Variants in CHIC1 observed in about 807,000 individuals in gnomAD.
The protein encoded by CHIC1 is cysteine rich hydrophobic domain 1.
A neutral mutation model predicts 18.5 loss-of-function variants in CHIC1; 7 were observed. That is an observed-to-expected ratio of 0.38 (90% CI 0.22 to 0.71). The LOEUF (loss-of-function observed/expected upper bound fraction) is 0.71, where lower values mean the gene tolerates loss of function less well. CHIC1 is among the 30% of genes least tolerant of loss of function. CHIC1 has a pLI of 0.49. For synonymous variants in CHIC1, 77 were observed against 73.5 expected (o/e 1.05, Z -0.25); for missense variants, 159 against 176.9 (o/e 0.90, Z 0.57).
intron 3 of CHIC1, among the ~76,000 whole-genome samples, chrX:73,674,810 C>A (rs1603350944): frequency 9.3e-6 from 1 of 107,016 alleles, no homozygotes; most frequent in East Asian, 9.0e-4. Flanking sequence ...TTTTCTAGTT[C>A]TTTTAATTGT....
intron 3 of CHIC1, among the ~76,000 whole-genome samples, chrX:73,674,059 T>C (rs891014055): frequency 1.2e-4 from 13 of 112,276 alleles, no homozygotes; most frequent in African/African-American, 4.2e-4. Flanking sequence ...ATTTATTGAT[T>C]TGCATATGTT....
intron 3 of CHIC1, among the ~76,000 whole-genome samples, chrX:73,655,428 G>GTGTGTATATATATATACACAATAT: frequency 1.2e-5 from 1 of 80,689 alleles, no homozygotes; most frequent in South Asian, 6.2e-4. Flanking sequence ...TATATATAGT[G>GTGTGTATATATATATACACAATAT]TGTGTATATA....
intron 3 of CHIC1, among the ~76,000 whole-genome samples, chrX:73,644,686 G>C (rs766981189): frequency 4.4e-5 from 5 of 112,881 alleles, no homozygotes; most frequent in South Asian, 3.6e-4. Flanking sequence ...CTCCAAGCCA[G>C]GTGCAGTATA....
chrX:73,624,477 C>T (rs930839918), intron 3 of CHIC1, among the ~76,000 whole-genome samples: 1 of 112,293 alleles, frequency 8.9e-6, no homozygotes, highest in African/African-American at 3.2e-5. Flanking sequence ...TTTGAACTTT[C>T]TCCCAGGTGA....
intron 3 of CHIC1, among the ~76,000 whole-genome samples, chrX:73,641,933 G>A (rs945216527): frequency 9.0e-6 from 1 of 111,617 alleles, no homozygotes; most frequent in Admixed American, 9.5e-5. Flanking sequence ...GGACATTTGG[G>A]TTGATTCCAA....
chrX:73,677,488 CT>C (rs2058072597), intron 3 of CHIC1, among the ~76,000 whole-genome samples: 1 of 111,755 alleles, frequency 8.9e-6, no homozygotes, highest in Non-Finnish European at 1.9e-5. Context: ...TGATCTCGGA[CT>C]GCTGTGCTAG....
At chrX:73,620,974 T>A (rs1223075535) in intron 3 of CHIC1, among the ~76,000 whole-genome samples, 2 of 112,076 alleles carry the variant, frequency 1.8e-5, no homozygotes, top group East Asian at 5.6e-4. Flanking sequence ...CCCCATTGCT[T>A]ATTTTTTCAG....
chrX:73,679,823 T>C, intron 5 of CHIC1, 110 bp downstream of exon 5: 2 of 398,686 alleles, frequency 5.0e-6, no homozygotes, highest in Non-Finnish European at 8.1e-6. Context: ...GCCAGAACTT[T>C]TGTCCATTGA....
At chrX:73,598,880 A>G (rs183331247) in intron 3 of CHIC1, among the ~76,000 whole-genome samples, 4,988 of 108,462 alleles carry the variant, frequency 0.046, 314 homozygotes, top group African/African-American at 0.16. Flanking sequence ...TGGTATTTCT[A>G]GTTCTAGATC....
intron 3 of CHIC1, among the ~76,000 whole-genome samples, chrX:73,634,788 C>G (rs2057824085): frequency 9.0e-6 from 1 of 111,488 alleles, no homozygotes; most frequent in African/African-American, 3.3e-5. Flanking sequence ...GGGCCATATC[C>G]TGCAAGTCTG....
intron 3 of CHIC1, among the ~76,000 whole-genome samples, chrX:73,678,905 A>G (rs1230713377): frequency 8.9e-6 from 1 of 111,893 alleles, no homozygotes; most frequent in Non-Finnish European, 1.9e-5. Context: ...ACTTTCCATG[A>G]GAAATTAGAT....
intron 3 of CHIC1, among the ~76,000 whole-genome samples, chrX:73,617,897 C>T (rs950349896): frequency 8.9e-6 from 1 of 111,792 alleles, no homozygotes; most frequent in African/African-American, 3.3e-5. Flanking sequence ...GGTTCTTTCT[C>T]ATTTGGGTAG....
intron 3 of CHIC1, among the ~76,000 whole-genome samples, chrX:73,596,425 T>A (rs113596429): frequency 0.016 from 1,796 of 111,512 alleles, 40 homozygotes; most frequent in African/African-American, 0.055. Context: ...ATAAGAAGAA[T>A]CAATATTGTG....
rs779468481 is a variant in CHIC1 at position 73,652,901 on chromosome X, A to T, written c.508-26425A>T. On this transcript the variant is annotated intron_variant, in intron 3 of 5. Transcript: ENST00000373502. ...TGGATATATACCTGAAGGAACAGAA[A>T]TCATTCTATTATAAAGATACATGCA... Among the ~76,000 whole-genome samples the T allele has an allele frequency of 5.4e-5, 6 of 112,047 alleles. No homozygotes were observed. In the South Asian group the frequency reaches 1.9e-3, roughly 35 times the overall value.
intron 3 of CHIC1, among the ~76,000 whole-genome samples, chrX:73,635,527 A>G (rs1246802598): frequency 9.0e-6 from 1 of 111,433 alleles, no homozygotes; most frequent in Non-Finnish European, 1.9e-5. Flanking sequence ...TTTTCTGATT[A>G]AATCATCTTA....
chrX:73,624,737 G>GT (rs1387867667), intron 3 of CHIC1, among the ~76,000 whole-genome samples: 1 of 111,972 alleles, frequency 8.9e-6, no homozygotes, highest in Non-Finnish European at 1.9e-5. Context: ...ACTTCATCCA[G>GT]TTTTTTTGTT....
chrX:73,639,549 T>C (rs2057845692), intron 3 of CHIC1, among the ~76,000 whole-genome samples: 1 of 112,400 alleles, frequency 8.9e-6, no homozygotes, highest in South Asian at 3.6e-4. Context: ...TTTGCTTTTG[T>C]TGCAGTTACT....
chrX:73,653,722 GCC>G (rs2057929061), intron 3 of CHIC1, among the ~76,000 whole-genome samples: 1 of 112,085 alleles, frequency 8.9e-6, no homozygotes, highest in Non-Finnish European at 1.9e-5. Flanking sequence ...TTGTGTGTGT[GCC>G]CTTTTTAATT....
intron 3 of CHIC1, among the ~76,000 whole-genome samples, chrX:73,614,178 A>G (rs1274070285): frequency 9.0e-6 from 1 of 111,540 alleles, no homozygotes; most frequent in African/African-American, 3.3e-5. Flanking sequence ...TTATTTCAGC[A>G]GTTTGAATAT....
Sources: gnomAD v4.1 joint callset for allele counts (sites outside exome capture counted in the v4.1 genomes callset) on GRCh38, gnomAD v4.1.1 for gene constraint, MANE v1.5 for transcripts, NCBI Gene and HGNC (gene_info 2026-07-23, HGNC 2026-07-21) for gene names.